Variants in RGS7 observed in about 807,000 individuals in gnomAD.
RGS7 encodes the protein regulator of G protein signaling 7.
In RGS7, 27 loss-of-function variants were observed where a neutral mutation model predicts 81.1. The ratio of observed to expected loss-of-function variants is 0.33; its 90% CI spans 0.25 to 0.46. The LOEUF (loss-of-function observed/expected upper bound fraction) is 0.46, where lower values mean the gene tolerates loss of function less well. Among genes scored for constraint, RGS7 ranks in the 20% least tolerant of loss-of-function variants. The pLI is 1.00. For synonymous variants in RGS7, 208 were observed against 207.7 expected (o/e 1.00, Z -0.01); for missense variants, 396 against 607.4 (o/e 0.65, Z 3.66).
chr1:241,227,887 C>T (rs2075413799), intron 2 of RGS7, among the ~76,000 whole-genome samples: 1 of 152,170 alleles, frequency 6.6e-6, no homozygotes, highest in African/African-American at 2.4e-5. Context: ...GGTGTTCCCC[C>T]TCAATCTTTC....
intron 3 of RGS7, among the ~76,000 whole-genome samples, chr1:241,073,664 G>C (rs1342320702): frequency 6.6e-6 from 1 of 152,158 alleles, no homozygotes; most frequent in East Asian, 1.9e-4. Context: ...CACCACCCAG[G>C]CTTATGTCCT....
At chr1:240,833,430 T>C (rs550837766) in intron 9 of RGS7, among the ~76,000 whole-genome samples, 33 of 152,340 alleles carry the variant, frequency 2.2e-4, no homozygotes, top group African/African-American at 6.5e-4. Context: ...AGTGCAACCA[T>C]AGATAAGGGG....
rs199972272 is a variant in RGS7 at position 240,976,771 on chromosome 1, C to CT, written c.226+6307_226+6308insA. 8.9e-3 allele frequency among the ~76,000 whole-genome samples: 1,283 copies of CT among 144,440 alleles called. 7 individuals carry two copies. The highest frequency in any genetic ancestry group is 0.012 in the Non-Finnish European group (810 of 65,018). The allele number at this position is 144,440 out of a possible 152,430, so 94.8% of individuals were successfully genotyped here. A position where few individuals can be genotyped will look rare whatever the true frequency, so the allele number is the denominator to read the frequency against. ...TCTATCTATCTATCTATCTATCTAT[C>CT]ATCGATCTATCATCTATTATCCATC... On this transcript the variant is annotated intron_variant, in intron 4 of 18. Coordinates refer to ENST00000440928, the MANE Select transcript of RGS7 (RefSeq NM_001364886.1).
At chr1:241,260,554 C>A (rs2077276779) in intron 2 of RGS7, among the ~76,000 whole-genome samples, 1 of 152,068 alleles carries the variant, frequency 6.6e-6, no homozygotes, top group African/African-American at 2.4e-5. Context: ...GATTCAGTTG[C>A]TTTTTTTCAC....
chr1:241,193,850 C>T (rs1426590338), intron 2 of RGS7, among the ~76,000 whole-genome samples: 1 of 152,168 alleles, frequency 6.6e-6, no homozygotes, highest in Non-Finnish European at 1.5e-5. Flanking sequence ...ACTCAGATTT[C>T]CTTTGATATA....
chr1:240,800,445 A>G (rs1195980259), intron 18 of RGS7, among the ~76,000 whole-genome samples, 196 bp downstream of exon 18: 1 of 152,122 alleles, frequency 6.6e-6, no homozygotes, highest in Admixed American at 6.6e-5. Context: ...CACCACAAGG[A>G]TCCTTGAAGG....
At chr1:240,998,743 C>T (rs531926547) in intron 3 of RGS7, 60 of 832,662 alleles carry the variant, frequency 7.2e-5, no homozygotes, top group East Asian at 4.7e-4. Context: ...ACCTCATCAT[C>T]GTGCGGAATG....
chr1:240,979,429 A>ATT (rs1684606701), intron 4 of RGS7, among the ~76,000 whole-genome samples: 1 of 152,224 alleles, frequency 6.6e-6, no homozygotes, highest in Non-Finnish European at 1.5e-5. Context: ...CACTCCTGAA[A>ATT]GACCACATAT....
chr1:241,218,927 T>C (rs929913365), intron 2 of RGS7, among the ~76,000 whole-genome samples: 2 of 152,108 alleles, frequency 1.3e-5, no homozygotes, highest in African/African-American at 4.8e-5. Context: ...GCTGCTGGAC[T>C]GGGGAACCAC....
intron 3 of RGS7, among the ~76,000 whole-genome samples, chr1:241,014,846 C>T (rs1296867629): frequency 6.6e-6 from 1 of 152,162 alleles, no homozygotes; most frequent in Non-Finnish European, 1.5e-5. Context: ...TTCAGCTGGC[C>T]ATGAAGAATA....
chr1:240,863,528 G>A (rs1034747336), intron 9 of RGS7, among the ~76,000 whole-genome samples: 3 of 151,828 alleles, frequency 2.0e-5, no homozygotes, highest in East Asian at 1.9e-4. Flanking sequence ...AAATAATAAC[G>A]TATGTAGGTT....
chr1:241,180,832 A>G (rs1363455584), intron 2 of RGS7, among the ~76,000 whole-genome samples: 3 of 152,166 alleles, frequency 2.0e-5, no homozygotes, highest in African/African-American at 7.2e-5. Context: ...GTCATTCACT[A>G]TTTGTGTGAT....
At chr1:241,106,417 T>TA (rs905277506) in intron 2 of RGS7, among the ~76,000 whole-genome samples, 6 of 152,054 alleles carry the variant, frequency 3.9e-5, no homozygotes, top group African/African-American at 1.4e-4. Context: ...TTTATTTATT[T>TA]AAAAAACAGT....
Position 241,078,485 on chromosome 1 carries a change from A to ATATGTGTGTGTGTGTGTGTG in RGS7, c.175+20180_175+20181insCACACACACACACACACATA, listed in dbSNP as rs145183501. Among the ~76,000 whole-genome samples, 693 of 143,574 alleles carry ATATGTGTGTGTGTGTGTGTG rather than the reference A, an allele frequency of 4.8e-3. 4 individuals are homozygous for ATATGTGTGTGTGTGTGTGTG. The highest frequency in any genetic ancestry group is 6.7e-3 in the South Asian group (30 of 4,462). 94.2% of individuals were successfully genotyped at this position (143,574 alleles called of 152,430 possible). ...CATAATGCACACACACACGTAAGTT[A>ATATGTGTGTGTGTGTGTGTG]TGTGTGTGTGTGTGTGTATATACAC... On this transcript the variant is annotated intron_variant, in intron 3 of 18. Transcript: ENST00000440928.
At chr1:241,071,286 C>A (rs992390488) in intron 3 of RGS7, among the ~76,000 whole-genome samples, 5 of 152,078 alleles carry the variant, frequency 3.3e-5, no homozygotes, top group Non-Finnish European at 5.9e-5. Flanking sequence ...AAAAGAAATC[C>A]ATTCACCTTT....
At chr1:240,939,505 C>T (rs988958377) in intron 4 of RGS7, among the ~76,000 whole-genome samples, 1 of 151,888 alleles carries the variant, frequency 6.6e-6, no homozygotes, top group African/African-American at 2.4e-5. Flanking sequence ...GATAGTTGGC[C>T]CATAACAAAT....
chr1:241,207,062 G>A (rs1315725717), intron 2 of RGS7, among the ~76,000 whole-genome samples: 3 of 138,556 alleles, frequency 2.2e-5, no homozygotes, highest in Admixed American at 7.9e-5. Context: ...TCCGCCTCCC[G>A]GGTTCACGCC....
At chr1:240,969,774 G>A (rs926331152) in intron 4 of RGS7, among the ~76,000 whole-genome samples, 3 of 152,154 alleles carry the variant, frequency 2.0e-5, no homozygotes, top group African/African-American at 4.8e-5. Flanking sequence ...GCATGATGCC[G>A]ACACACCAGG....
At chr1:240,870,393 G>A (rs1295050575) in intron 6 of RGS7, among the ~76,000 whole-genome samples, 1 of 152,014 alleles carries the variant, frequency 6.6e-6, no homozygotes, top group Non-Finnish European at 1.5e-5. Flanking sequence ...TGAAGCAAGT[G>A]TAGTGGTAAG....
Sources: gnomAD v4.1 joint callset for allele counts (sites outside exome capture counted in the v4.1 genomes callset) on GRCh38, gnomAD v4.1.1 for gene constraint, MANE v1.5 for transcripts, NCBI Gene and HGNC (gene_info 2026-07-23, HGNC 2026-07-21) for gene names.